SLC38A9: variants seen among roughly 807,000 people sequenced by gnomAD.
SLC38A9 encodes solute carrier family 38 member 9, also known as neutral amino acid transporter 9.
SLC38A9 carries 48 observed loss-of-function variants against 62.3 expected under a neutral mutation model. The observed-to-expected ratio is 0.77, with a 90% confidence interval of 0.61 to 0.98. SLC38A9 has a LOEUF of 0.98. Among genes scored for constraint, SLC38A9 ranks in the 50% least tolerant of loss-of-function variants. SLC38A9 has a pLI of 0.00. For synonymous variants in SLC38A9, 204 were observed against 227.7 expected (o/e 0.90, Z 0.94); for missense variants, 541 against 679.8 (o/e 0.80, Z 2.27).
chr5:55,685,201 C>G (rs1189639052), intron 3 of SLC38A9, among the ~76,000 whole-genome samples: 1 of 152,198 alleles, frequency 6.6e-6, no homozygotes, highest in South Asian at 2.1e-4. Context: ...GATGACTGTA[C>G]AGCCATCACC....
At chr5:55,689,199 A>C (rs1754385722) in intron 3 of SLC38A9, among the ~76,000 whole-genome samples, 1 of 152,226 alleles carries the variant, frequency 6.6e-6, no homozygotes, top group South Asian at 2.1e-4. Context: ...GCTTTTTATA[A>C]GTATAGCACC....
chr5:55,709,585 C>A lies in SLC38A9; in HGVS notation c.-35+1867G>T, dbSNP rs1479069615. Among the ~76,000 whole-genome samples, 36 of 151,076 alleles carry A rather than the reference C, an allele frequency of 2.4e-4. 2 individuals are homozygous for A. In the Middle Eastern group the frequency reaches 0.021, roughly 86 times the overall value. ...TATCAGAGCAAAACTCTGCCCCTAA[C>A]CCCAAAAAGAAAAAAAAAATACTAA... On this transcript the variant is annotated intron_variant, in intron 2 of 15. Transcript: ENST00000396865.
chr5:55,691,363 C>G (rs1417809637), intron 3 of SLC38A9: 4 of 1,410,406 alleles, frequency 2.8e-6, no homozygotes, highest in Non-Finnish European at 3.7e-6. Flanking sequence ...CAAAGAATTG[C>G]CTAAGGGGTT....
intron 2 of SLC38A9, among the ~76,000 whole-genome samples, chr5:55,703,101 T>C (rs1278839062): frequency 6.6e-6 from 1 of 152,090 alleles, no homozygotes; most frequent in Non-Finnish European, 1.5e-5. Context: ...CTCTGAACAA[T>C]ATATTCATTC....
rs1391586466 is a variant in SLC38A9 at position 55,639,272 on chromosome 5, T to TTAAA, written c.1168-3616_1168-3615insTTTA. Reference sequence around the variant, plus strand: ...TGGGCAACAAGAACGAAACTCTGTCTAAAAAAAAAAAAAAAAAAAAAAGAA... The same window carrying TTAAA: ...TGGGCAACAAGAACGAAACTCTGTCTTAAAAAAAAAAAAAAAAAAAAAAAAAGAA... On this transcript the variant is annotated intron_variant, in intron 12 of 15. Transcript: ENST00000396865. Among the ~76,000 whole-genome samples, 80 of 54,638 alleles carry TTAAA rather than the reference T, an allele frequency of 1.5e-3. 2 individuals carry two copies. The highest frequency in any genetic ancestry group is 5.3e-3 in the African/African-American group (77 of 14,600). The allele number at this position is 54,638 out of a possible 152,430, so 35.8% of individuals were successfully genotyped here. A position where few individuals can be genotyped will look rare whatever the true frequency, so the allele number is the denominator to read the frequency against.
At position 55,672,708 on chromosome 5, in the gene SLC38A9, T is replaced by A; in HGVS notation, c.114-13A>T. Reference sequence around the variant, plus strand: ...TATACAGAAAGGCCTACAAAGGGAATATACACTTGACAAAAAGTGTTCAGC... The same window carrying A: ...TATACAGAAAGGCCTACAAAGGGAAAATACACTTGACAAAAAGTGTTCAGC... On this transcript the variant is annotated splice_polypyrimidine_tract_variant and intron_variant, in intron 3 of 15. Transcript: ENST00000396865. The A allele has an allele frequency of 6.2e-7, 1 of 1,600,486 alleles. No homozygotes were observed. The highest frequency in any genetic ancestry group is 8.5e-7 in the Non-Finnish European group (1 of 1,175,680).
intron 3 of SLC38A9, among the ~76,000 whole-genome samples, chr5:55,679,888 T>G (rs1385815207): frequency 6.6e-6 from 1 of 152,238 alleles, no homozygotes; most frequent in East Asian, 1.9e-4. Context: ...TATTAGGATG[T>G]CAAAATAAAT....
intron 2 of SLC38A9, among the ~76,000 whole-genome samples, chr5:55,698,915 G>C (rs937390022): frequency 1.3e-5 from 2 of 151,026 alleles, no homozygotes; most frequent in African/African-American, 4.9e-5. Context: ...CCAGCCACCT[G>C]GATGATGGAG....
chr5:55,703,299 A>G (rs1444042288), intron 2 of SLC38A9, among the ~76,000 whole-genome samples: 2 of 152,116 alleles, frequency 1.3e-5, no homozygotes, highest in Non-Finnish European at 2.9e-5. Context: ...ACCAATTCCA[A>G]TTTTCAGTTC....
chr5:55,638,203 T>C (rs141794137), intron 12 of SLC38A9, among the ~76,000 whole-genome samples: 263 of 152,306 alleles, frequency 1.7e-3, no homozygotes, highest in African/African-American at 6.0e-3. Context: ...AGGTTTAGCA[T>C]GACACTGGGA....
At chr5:55,690,593 C>T (rs1193345558) in intron 3 of SLC38A9, among the ~76,000 whole-genome samples, 3 of 152,198 alleles carry the variant, frequency 2.0e-5, no homozygotes, top group Admixed American at 6.5e-5. Context: ...GAAACCACCC[C>T]TCCTGGGAAA....
chr5:55,697,674 A>AAT (rs1554069077), intron 3 of SLC38A9, among the ~76,000 whole-genome samples, 172 bp downstream of exon 3: 8 of 137,480 alleles, frequency 5.8e-5, no homozygotes, highest in Non-Finnish European at 8.1e-5. Context: ...AAAAAAAAAA[A>AAT]ATATAAACCA....
chr5:55,631,434 C>A (rs1190805739), intron 14 of SLC38A9, among the ~76,000 whole-genome samples: 1 of 152,040 alleles, frequency 6.6e-6, no homozygotes, highest in African/African-American at 2.4e-5. Context: ...CCACATTCTG[C>A]AAAATAATGG....
chr5:55,705,990 G>A (rs982883800), intron 2 of SLC38A9, among the ~76,000 whole-genome samples: 1 of 152,186 alleles, frequency 6.6e-6, no homozygotes, highest in Non-Finnish European at 1.5e-5. Flanking sequence ...TTACAGGCAG[G>A]AGCCACCGTG....
intron 13 of SLC38A9, 73 bp downstream of exon 13, chr5:55,635,471 A>G (rs746427441): frequency 2.7e-6 from 3 of 1,092,510 alleles, no homozygotes; most frequent in Non-Finnish European, 1.4e-6. Context: ...ATATCTTGCC[A>G]CTGTATCACC....
chr5:55,698,092 T>C, intron 2 of SLC38A9, 100 bp from the exon 3 acceptor site: 1 of 557,024 alleles, frequency 1.8e-6, no homozygotes, highest in Non-Finnish European at 3.1e-6. Context: ...ATACTGGAAT[T>C]TGCTGAAGAT....
intron 7 of SLC38A9, among the ~76,000 whole-genome samples, chr5:55,665,358 C>T (rs1385135187): frequency 1.3e-5 from 2 of 151,754 alleles, no homozygotes; most frequent in African/African-American, 4.8e-5. Context: ...TCAGCCTGGC[C>T]AACATGGTGA....
Position 55,697,974 on chromosome 5 carries a change from A to T in SLC38A9, c.-16T>A. Reference sequence around the variant, plus strand: ...TATTTGCCATTTTTCTCACACTCTAAGCACTGAAGAAGTTAGTCCTACACA... The same window carrying T: ...TATTTGCCATTTTTCTCACACTCTATGCACTGAAGAAGTTAGTCCTACACA... On this transcript the variant is annotated 5_prime_UTR_variant, in exon 3 of 16. Transcript: ENST00000396865. The T allele has an allele frequency of 7.3e-7, 1 of 1,366,320 alleles. No individual in the cohort carries two copies. 84.6% of individuals were successfully genotyped at this position (1,366,320 alleles called of 1,614,324 possible). A position where few individuals can be genotyped will look rare whatever the true frequency, so the allele number is the denominator to read the frequency against.
intron 3 of SLC38A9, among the ~76,000 whole-genome samples, chr5:55,688,982 TAAA>T (rs985710218): frequency 3.2e-5 from 3 of 94,584 alleles, no homozygotes; most frequent in African/African-American, 9.6e-5. Flanking sequence ...TATAGGTAAA[TAAA>T]AAAGCAGAAG....
Sources: gnomAD v4.1 joint callset for allele counts (sites outside exome capture counted in the v4.1 genomes callset) on GRCh38, gnomAD v4.1.1 for gene constraint, MANE v1.5 for transcripts, NCBI Gene and HGNC (gene_info 2026-07-23, HGNC 2026-07-21) for gene names.